The following ABL1 variants were observed in gnomAD, a reference collection of about 807,000 sequenced individuals.
The protein encoded by ABL1 is ABL proto-oncogene 1, non-receptor tyrosine kinase.
A neutral mutation model predicts 94.7 loss-of-function variants in ABL1; 11 were observed. The observed-to-expected ratio is 0.12, with a 90% CI of 0.07 to 0.19. ABL1 has a LOEUF of 0.19. Ranked by LOEUF, ABL1 falls within the 10% of genes least tolerant of loss-of-function variation. The pLI is 1.00. For synonymous variants in ABL1, 656 were observed against 622.4 expected (o/e 1.05, Z -0.80); for missense variants, 1,082 against 1,489.4 (o/e 0.73, Z 4.50).
chr9:130,813,537 G>T (rs1451647619), intron 1 of ABL1, among the ~76,000 whole-genome samples: 5 of 132,524 alleles, frequency 3.8e-5, no homozygotes, highest in Non-Finnish European at 6.2e-5. Context: ...CTCCAGCCTG[G>T]CTGAGAGAGC....
At chr9:130,876,560 G>A (rs1831347403) in intron 7 of ABL1, among the ~76,000 whole-genome samples, 1 of 151,448 alleles carries the variant, frequency 6.6e-6, no homozygotes, top group Non-Finnish European at 1.5e-5. Flanking sequence ...TGGGATTACA[G>A]GTGCCTGCCA....
In ABL1 at chr9:130,867,881, A is replaced by G. The variant is rs1408787528; in HGVS notation, c.823-4248A>G. On this transcript the variant is annotated intron_variant, in intron 4 of 10. Coordinates refer to ENST00000318560, the MANE Select transcript of ABL1 (RefSeq NM_005157.6). ...TCCTGGGCTTTCCTCTCGAGCTTCAAGTCCCACCTCTGGAGTGTGAATCGC... is the reference window on the plus strand; with the variant it reads ...TCCTGGGCTTTCCTCTCGAGCTTCAGGTCCCACCTCTGGAGTGTGAATCGC... Among the ~76,000 whole-genome samples the G allele has an allele frequency of 2.0e-5, 3 of 151,114 alleles. No homozygotes were observed. In the East Asian group the frequency reaches 5.8e-4, roughly 29 times the overall value.
In ABL1 at chr9:130,862,704, G is replaced by A. The variant is rs1031931287; in HGVS notation, c.550-59G>A. ...TTAAGGCTCAGCCAAACTGGCTCACGTGAGCTCTTTGAGCTTGCCTGTCTC... is the reference window on the plus strand; with the variant it reads ...TTAAGGCTCAGCCAAACTGGCTCACATGAGCTCTTTGAGCTTGCCTGTCTC... On this transcript the variant is annotated intron_variant, in intron 3 of 10. Coordinates refer to ENST00000318560, the MANE Select transcript of ABL1 (RefSeq NM_005157.6). This position sits in a 1 kb window ranked among gnomAD's most constrained non-coding sequence, Gnocchi z 5.5. The A allele has an allele frequency of 2.4e-5, 38 of 1,575,390 alleles. No homozygotes were observed. Among genetic ancestry groups the A allele is most frequent in the African/African-American group, 4.1e-5 (3 of 73,896 alleles).
chr9:130,839,257 C>T (rs1830633751), intron 1 of ABL1, among the ~76,000 whole-genome samples: 1 of 152,082 alleles, frequency 6.6e-6, no homozygotes, highest in South Asian at 2.1e-4. Flanking sequence ...TAAGGGCCCA[C>T]TTTTAAATGC....
At position 130,875,446 on chromosome 9, in the gene ABL1, CTTTT is replaced by C. The variant is rs34709473; in HGVS notation, c.1270+407_1270+410del. 2.8e-5 allele frequency among the ~76,000 whole-genome samples: 4 copies of C among 145,130 alleles called. No individual in the cohort carries two copies. The Admixed American group carries it at 2.8e-4, about 10-fold the overall frequency. On this transcript the variant is annotated intron_variant, in intron 7 of 10. Coordinates refer to ENST00000318560, the MANE Select transcript of ABL1 (RefSeq NM_005157.6). ...GTGTGAGCCACTGTGCACAGCCACC[CTTTT>C]TTTTTTTTTTTTAACTGTGTATTTG...
At chr9:130,750,192 CATATATATAT>C (rs56263750) in intron 1 of ABL1, among the ~76,000 whole-genome samples, 5,432 of 106,390 alleles carry the variant, frequency 0.051, 189 homozygotes, top group African/African-American at 0.063. Flanking sequence ...AAAAAAAATA[CATATATATAT>C]ATATATATAT....
chr9:130,736,689 C>G (rs1011372004), intron 1 of ABL1, among the ~76,000 whole-genome samples: 4 of 152,108 alleles, frequency 2.6e-5, no homozygotes, highest in African/African-American at 9.7e-5. Flanking sequence ...CGGGGTTTCT[C>G]CATGTTGGTC....
Position 130,741,095 on chromosome 9 carries a change from C to A in ABL1, c.136+26640C>A, listed in dbSNP as rs138196790. Among the ~76,000 whole-genome samples, 776 of 152,162 alleles carry A rather than the reference C, an allele frequency of 5.1e-3. 7 individuals are homozygous for A. The highest frequency in any genetic ancestry group is 0.017 in the African/African-American group (722 of 41,498). ...GGTACATAGACTAAGGAGCCACATC[C>A]CTGCTCCTGGGATATCCTTTAGTCA... On this transcript the variant is annotated intron_variant, in intron 1 of 10. Transcript: ENST00000372348.
intron 3 of ABL1, among the ~76,000 whole-genome samples, chr9:130,856,562 A>C (rs1830979268): frequency 1.3e-5 from 2 of 152,364 alleles, no homozygotes; most frequent in African/African-American, 4.8e-5. Context: ...ATATGGTTAA[A>C]AAAAATCAAA....
intron 10 of ABL1, among the ~76,000 whole-genome samples, chr9:130,882,984 T>C (rs954573812): frequency 6.6e-6 from 1 of 150,818 alleles, no homozygotes; most frequent in Non-Finnish European, 1.5e-5. Context: ...TGGCACAAGC[T>C]GGGGGCTGCC....
chr9:130,863,128 C>T lies in ABL1; in HGVS notation c.822+93C>T. 7 of 1,410,414 alleles carry T rather than the reference C, an allele frequency of 5.0e-6. No individual in the cohort carries two copies. The allele number at this position is 1,410,414 out of a possible 1,614,324, so 87.4% of individuals were successfully genotyped here. On this transcript the variant is annotated intron_variant, in intron 4 of 10. Coordinates refer to ENST00000318560, the MANE Select transcript of ABL1 (RefSeq NM_005157.6). This position sits in a 1 kb window ranked among gnomAD's most constrained non-coding sequence, Gnocchi z 4.3. Reference sequence around the variant, plus strand: ...ATCTGCCTGGAAGTCTACCTCCTGCCTGCTGTCCGAGGGCTTCATTGGCGC... The same window carrying T: ...ATCTGCCTGGAAGTCTACCTCCTGCTTGCTGTCCGAGGGCTTCATTGGCGC...
rs1418389371 is a variant in ABL1 at position 130,880,961 on chromosome 9, G to A, written c.1678+297G>A. On this transcript the variant is annotated intron_variant, in intron 10 of 10. Transcript: ENST00000318560. The surrounding 1 kb of genome is among the most constrained non-coding windows in gnomAD (Gnocchi z 4.4). The stretch of plus-strand genomic sequence containing the variant: ...AGCCCATCTCCCACCTATTACCCGC[G>A]GCATCTGTGGTTGCTGTCTCAGAGC... Among the ~76,000 whole-genome samples, 5 of 152,168 alleles carry A rather than the reference G, an allele frequency of 3.3e-5. No homozygotes were observed. The highest frequency in any genetic ancestry group is 3.3e-4 in the Admixed American group (5 of 15,264).
chr9:130,752,184 T>C (rs1831974957), intron 1 of ABL1, among the ~76,000 whole-genome samples: 1 of 152,222 alleles, frequency 6.6e-6, no homozygotes, highest in Admixed American at 6.5e-5. Flanking sequence ...ACCAGATAAG[T>C]TAAGTGATGA....
intron 1 of ABL1, among the ~76,000 whole-genome samples, chr9:130,731,871 T>C (rs1265095417): frequency 6.6e-6 from 1 of 151,884 alleles, no homozygotes; most frequent in Non-Finnish European, 1.5e-5. Flanking sequence ...TAATAGAATA[T>C]AAAGAATTCT....
In ABL1 at chr9:130,885,993, C is replaced by G; in HGVS notation, c.*310C>G. ...CCCCGCTCCCACCTAGTGCCCCAGA[C>G]TGAGCTCTCCAGGCCAGGTGGGAAC... On this transcript the variant is annotated 3_prime_UTR_variant, in exon 11 of 11. Transcript: ENST00000318560. The G allele has an allele frequency of 2.5e-6, 1 of 402,754 alleles. No homozygotes were observed. 24.9% of individuals were successfully genotyped at this position (402,754 alleles called of 1,614,324 possible). A position where few individuals can be genotyped will look rare whatever the true frequency, so the allele number is the denominator to read the frequency against.
chr9:130,716,260 T>C (rs1831439203), intron 1 of ABL1, among the ~76,000 whole-genome samples: 1 of 151,836 alleles, frequency 6.6e-6, no homozygotes, highest in South Asian at 2.1e-4. Flanking sequence ...GACGCCCGGC[T>C]AATTTTTGTA....
rs748815435 is a variant in ABL1 at position 130,884,458 on chromosome 9, C to T, written c.2168C>T (p.Pro723Leu). ...FLRSCSASCVPHGAKDTEWRS... is the reference protein window; with the variant it reads ...FLRSCSASCVLHGAKDTEWRS... ...CGCTCTTGCTCCGCCTCCTGCGTTC[C>T]CCATGGGGCCAAGGACACGGAGTGG... Residue 723 changes from proline (P) to leucine (L), a missense_variant, in exon 11 of 11, where the codon CCC becomes CTC. Pro to Leu is a moderately conservative substitution (Grantham distance 98, BLOSUM62 -3). This residue lies in a region of ABL1 where 780 missense variants were observed against 835.8 expected (regional missense o/e 0.93). Transcript: ENST00000318560. This position sits in a 1 kb window ranked among gnomAD's most constrained non-coding sequence, Gnocchi z 5.6. 1.2e-6 allele frequency: 2 copies of T among 1,612,966 alleles called. No individual in the cohort carries two copies. Among genetic ancestry groups the T allele is most frequent in the Non-Finnish European group, 1.7e-6 (2 of 1,179,990 alleles).
At chr9:130,819,329 G>C (rs1042739938) in intron 1 of ABL1, among the ~76,000 whole-genome samples, 8 of 151,672 alleles carry the variant, frequency 5.3e-5, no homozygotes, top group African/African-American at 1.9e-4. Flanking sequence ...ACTCCAGCCT[G>C]GGCAACAGAG....
At chr9:130,810,749 T>G (rs78934041) in intron 1 of ABL1, among the ~76,000 whole-genome samples, 8,263 of 149,578 alleles carry the variant, frequency 0.055, 335 homozygotes, top group Admixed American at 0.13. Flanking sequence ...AAAATATATA[T>G]AGAGAGAGAA....
Sources: gnomAD v4.1 joint callset for allele counts (sites outside exome capture counted in the v4.1 genomes callset) on GRCh38, gnomAD v4.1.1 for gene constraint, gnomAD v4.1.1 regional missense constraint, Gnocchi (gnomAD v3.1) non-coding constraint, MANE v1.5 for transcripts, NCBI Gene and HGNC (gene_info 2026-07-23, HGNC 2026-07-21) for gene names.